The following BIRC6 variants were observed in gnomAD, a reference collection of about 807,000 sequenced individuals.
The protein encoded by BIRC6 is baculoviral IAP repeat containing 6.
A neutral mutation model predicts 503.3 loss-of-function variants in BIRC6; 98 were observed. The ratio of observed to expected loss-of-function variants is 0.19; its 90% confidence interval spans 0.17 to 0.23. The LOEUF (loss-of-function observed/expected upper bound fraction) is 0.23. BIRC6 is among the 10% of genes least tolerant of loss of function. The pLI is 1.00. For missense variants in BIRC6, 5,360 were observed against 5,806.0 expected (o/e 0.92, Z 2.50); for synonymous variants, 2,240 against 2,078.7 (o/e 1.08, Z -2.11).
intron 40 of BIRC6, among the ~76,000 whole-genome samples, chr2:32,486,998 T>G (rs893731541): frequency 1.3e-5 from 2 of 152,192 alleles, no homozygotes; most frequent in Non-Finnish European, 2.9e-5. Flanking sequence ...TTCGTAATTC[T>G]GAAAGGATAT....
At chr2:32,413,544 C>T (rs2042116428) in intron 9 of BIRC6, among the ~76,000 whole-genome samples, 1 of 151,900 alleles carries the variant, frequency 6.6e-6, no homozygotes, top group Non-Finnish European at 1.5e-5. Flanking sequence ...GTCTCGAACT[C>T]CTGAGCTCAG....
chr2:32,537,748 C>T (rs371119050), intron 61 of BIRC6, among the ~76,000 whole-genome samples: 4 of 152,186 alleles, frequency 2.6e-5, no homozygotes, highest in Non-Finnish European at 1.5e-5. Flanking sequence ...GGGCGGATCA[C>T]GAGGTCAGGA....
intron 44 of BIRC6, among the ~76,000 whole-genome samples, chr2:32,492,193 G>A (rs557029538): frequency 1.2e-4 from 18 of 151,984 alleles, no homozygotes; most frequent in Non-Finnish European, 1.8e-4. Flanking sequence ...TGGATTTGCC[G>A]TCAGATAAAT....
chr2:32,418,616 C>A (rs1440061347), intron 10 of BIRC6, among the ~76,000 whole-genome samples: 1 of 152,158 alleles, frequency 6.6e-6, no homozygotes, highest in Non-Finnish European at 1.5e-5. Flanking sequence ...GGACTTGGAA[C>A]CTAGGTGACA....
chr2:32,357,251 G>A lies in BIRC6; in HGVS notation c.90G>A (p.Ala30=). Residue 30 remains alanine (A), a synonymous_variant, in exon 1 of 74, where the codon GCG becomes GCA. Coordinates refer to ENST00000421745, the MANE Select transcript of BIRC6 (RefSeq NM_016252.4). This position sits in a 1 kb window ranked among gnomAD's most constrained non-coding sequence, Gnocchi z 4.9. The stretch of plus-strand genomic sequence containing the variant: ...TGCTGAGCGCAGGCCGGAAGATGGC[G>A]GCTGCGGCTGCGGCGGCCTCGGGCC... ...VIVLSAGRKM[A]AAAAAASGPG... 1 of 1,522,454 alleles carries A rather than the reference G, an allele frequency of 6.6e-7. No homozygotes were observed. Among genetic ancestry groups the A allele is most frequent in the Non-Finnish European group, 8.8e-7 (1 of 1,138,442 alleles). 94.3% of individuals were successfully genotyped at this position (1,522,454 alleles called of 1,614,324 possible). A position where few individuals can be genotyped will look rare whatever the true frequency, so the allele number is the denominator to read the frequency against.
chr2:32,593,809 G>A (rs2061523199), intron 66 of BIRC6, 106 bp from the exon 67 acceptor site: 2 of 996,918 alleles, frequency 2.0e-6, no homozygotes, highest in Non-Finnish European at 2.9e-6. Flanking sequence ...GATCATGTGT[G>A]TGACAAATGA....
intron 10 of BIRC6, among the ~76,000 whole-genome samples, chr2:32,425,671 A>G (rs926608499): frequency 5.3e-5 from 8 of 152,342 alleles, no homozygotes; most frequent in Non-Finnish European, 1.0e-4. Context: ...CTTCCAAAAA[A>G]GAGTTCTATC....
At chr2:32,507,887 A>G (rs1176278000) in intron 50 of BIRC6, 93 bp from the exon 51 acceptor site, 5 of 1,208,658 alleles carry the variant, frequency 4.1e-6, no homozygotes, top group Non-Finnish European at 5.6e-6. Flanking sequence ...GATGAATACA[A>G]CTGTGAAAGC....
intron 23 of BIRC6, among the ~76,000 whole-genome samples, chr2:32,456,679 A>C (rs1233101316): frequency 6.6e-6 from 1 of 152,178 alleles, no homozygotes; most frequent in African/African-American, 2.4e-5. Context: ...CATACTTAAT[A>C]ATGTTAACTC....
In BIRC6 at chr2:32,543,291, C is replaced by T. The variant is rs765299896; in HGVS notation, c.12342C>T (p.Ser4114=). 4.2e-5 allele frequency: 68 copies of T among 1,613,810 alleles called. No individual in the cohort carries two copies. Among genetic ancestry groups the T allele is most frequent in the East Asian group, 8.9e-5 (4 of 44,900 alleles). ...CCACTCAGGAAAAGCCGAAGGATAGCGATCAGTTTGAATGGGTGACCATTG... is the reference window on the plus strand; with the variant it reads ...CCACTCAGGAAAAGCCGAAGGATAGTGATCAGTTTGAATGGGTGACCATTG... ...TSTTQEKPKD[S]DQFEWVTIEQ... is the part of the protein sequence containing the mutation. The change falls in exon 62 of 74, where the codon AGC becomes AGT. Residue 4114 remains serine, a synonymous_variant. Transcript: ENST00000421745.
chr2:32,596,544 T>TA (rs2151443371), intron 68 of BIRC6, among the ~76,000 whole-genome samples: 1 of 151,266 alleles, frequency 6.6e-6, no homozygotes, highest in South Asian at 2.1e-4. Flanking sequence ...GAAAAAGCCA[T>TA]AGTGCCTGTT....
At chr2:32,541,604 G>C (rs747306821) in intron 61 of BIRC6, among the ~76,000 whole-genome samples, 3 of 152,168 alleles carry the variant, frequency 2.0e-5, no homozygotes, top group Middle Eastern at 3.4e-3. Flanking sequence ...TGAATAGTGA[G>C]ATAACTCTGT....
chr2:32,380,124 G>C lies in BIRC6; in HGVS notation c.508-29G>C, dbSNP rs542014893. ...GTTGTTCTTGTGTTGAATTTTCTGT[G>C]ATTTTTTTATTTTTTATTTTTTATT... On this transcript the variant is annotated intron_variant, in intron 2 of 73. Transcript: ENST00000421745. The C allele has an allele frequency of 4.3e-5, 62 of 1,435,750 alleles. No individual in the cohort carries two copies. The South Asian group carries it at 8.3e-4, about 19-fold the overall frequency. The allele number at this position is 1,435,750 out of a possible 1,614,324, so 88.9% of individuals were successfully genotyped here. A position where few individuals can be genotyped will look rare whatever the true frequency, so the allele number is the denominator to read the frequency against.
At position 32,488,715 on chromosome 2, in the gene BIRC6, G is replaced by A; in HGVS notation, c.8095+1G>A. On this transcript the variant is annotated splice_donor_variant, in intron 42 of 73. Coordinates refer to ENST00000421745, the MANE Select transcript of BIRC6 (RefSeq NM_016252.4). LOFTEE classifies it high-confidence loss of function. Reference sequence around the variant, plus strand: ...ATACCTGTTATTTCATTAAATCAAGGTAAGATTTATTAGGAGAAAAACATT... The same window carrying A: ...ATACCTGTTATTTCATTAAATCAAGATAAGATTTATTAGGAGAAAAACATT... The A allele has an allele frequency of 7.2e-7, 1 of 1,387,176 alleles. No individual in the cohort carries two copies. The highest frequency in any genetic ancestry group is 9.8e-7 in the Non-Finnish European group (1 of 1,023,988). The allele number at this position is 1,387,176 out of a possible 1,614,324, so 85.9% of individuals were successfully genotyped here.
At chr2:32,504,016 C>CGG (rs1558912463) in intron 49 of BIRC6, among the ~76,000 whole-genome samples, 1 of 58,778 alleles carries the variant, frequency 1.7e-5, no homozygotes, top group Non-Finnish European at 3.0e-5. Context: ...CACACTGGGG[C>CGG]GGGGGGTGGG....
Position 32,427,591 on chromosome 2 carries a change from T to C in BIRC6, c.2873-1555T>C, listed in dbSNP as rs544343793. Among the ~76,000 whole-genome samples the C allele has an allele frequency of 3.9e-5, 6 of 152,270 alleles. No individual in the cohort carries two copies. In the South Asian group the frequency reaches 1.0e-3, roughly 26 times the overall value. On this transcript the variant is annotated intron_variant, in intron 10 of 73. Coordinates refer to ENST00000421745, the MANE Select transcript of BIRC6 (RefSeq NM_016252.4). The stretch of plus-strand genomic sequence containing the variant: ...GTGAGCCACTGCTCCTGGCCTTTAA[T>C]TTTTTTAAAAATATTTTTGTTTGTT...
At chr2:32,433,426 G>A (rs1417129427) in intron 12 of BIRC6, among the ~76,000 whole-genome samples, 2 of 152,190 alleles carry the variant, frequency 1.3e-5, no homozygotes, top group Admixed American at 6.5e-5. Flanking sequence ...GTATATGCAA[G>A]TCTCAAGGCA....
intron 8 of BIRC6, among the ~76,000 whole-genome samples, chr2:32,404,981 A>G (rs1406739814): frequency 1.3e-5 from 2 of 152,090 alleles, no homozygotes; most frequent in Non-Finnish European, 2.9e-5. Flanking sequence ...ATTTTTGAGA[A>G]CTTTCAGAAT....
intron 22 of BIRC6, among the ~76,000 whole-genome samples, chr2:32,450,842 G>A (rs1453978972): frequency 1.3e-5 from 2 of 152,208 alleles, no homozygotes; most frequent in South Asian, 2.1e-4. Flanking sequence ...TACCTAATAC[G>A]ATGTTAATGC....
Sources: gnomAD v4.1 joint callset for allele counts (sites outside exome capture counted in the v4.1 genomes callset) on GRCh38, gnomAD v4.1.1 for gene constraint, Gnocchi (gnomAD v3.1) non-coding constraint, MANE v1.5 for transcripts, NCBI Gene and HGNC (gene_info 2026-07-23, HGNC 2026-07-21) for gene names.